Variants in CES1 observed in about 807,000 individuals in gnomAD.
CES1 encodes the protein carboxylesterase 1, also known as liver carboxylesterase 1.
CES1 carries 50 observed loss-of-function variants against 53.0 expected under a neutral mutation model. That is an observed-to-expected ratio of 0.94 (90% CI 0.75 to 1.19). The LOEUF is 1.19. Ranked by LOEUF, CES1 falls within the 50% of genes most tolerant of loss-of-function variation. The probability of loss-of-function intolerance (pLI) is 0.00; values close to 1 mark genes in which losing one functional copy is unlikely to be tolerated. For missense variants in CES1, 534 were observed against 538.0 expected, an observed-to-expected ratio of 0.99 and a Z score of 0.07; for synonymous variants, 202 against 210.1, an observed-to-expected ratio of 0.96 and a Z score of 0.33.
At chr16:55,813,229 G>A (rs2142319463) in intron 8 of CES1, among the ~76,000 whole-genome samples, 186 bp from the exon 9 acceptor site, 1 of 152,316 alleles carries the variant, frequency 6.6e-6, no homozygotes, top group Non-Finnish European at 1.5e-5. Flanking sequence ...TTCAGGCAGA[G>A]GCTGACACTG....
At chr16:55,814,658 G>C (rs1304039300) in intron 8 of CES1, among the ~76,000 whole-genome samples, 5 of 152,318 alleles carry the variant, frequency 3.3e-5, no homozygotes, top group Non-Finnish European at 5.9e-5. Context: ...GTCCTCTGTG[G>C]AATCTTCCCA....
chr16:55,811,007 A>G lies in CES1; in HGVS notation c.1090T>C (p.Leu364=). 1.3e-6 allele frequency: 2 copies of G among 1,535,020 alleles called. No individual in the cohort carries two copies. Among genetic ancestry groups the G allele is most frequent in the African/African-American group, 1.9e-5 (1 of 53,900 alleles). ...QEFGWLIPMQ[L]MSYPLSEGQL... ...CCTTCGGAGAGTGGATAGCTCATCA[A>G]CTGCTAAAAAAAAAAAAAAGTTCAG... is the stretch of plus-strand genomic sequence containing the variant. Residue 364 remains leucine, a synonymous_variant, in exon 10 of 14, where the codon TTG becomes CTG. Coordinates refer to ENST00000360526, the MANE Select transcript of CES1 (RefSeq NM_001025195.2).
At chr16:55,819,423 C>A in intron 7 of CES1, 112 bp downstream of exon 7, 1 of 816,790 alleles carries the variant, frequency 1.2e-6, no homozygotes, top group South Asian at 1.3e-5. Flanking sequence ...CATTCAGATA[C>A]TGAGAGTTGA....
chr16:55,819,412 C>G, intron 7 of CES1, 123 bp downstream of exon 7: 2 of 777,368 alleles, frequency 2.6e-6, no homozygotes, highest in Non-Finnish European at 4.6e-6. Context: ...ATCAGATTCC[C>G]CATTCAGATA....
intron 10 of CES1, 93 bp from the exon 11 acceptor site, chr16:55,810,757 A>G: frequency 1.3e-6 from 2 of 1,524,348 alleles, no homozygotes; most frequent in South Asian, 1.1e-5. Context: ...TGAACCCCAT[A>G]AGCCCTGTGC....
At chr16:55,832,693 G>C (rs1348285821) in intron 1 of CES1, among the ~76,000 whole-genome samples, 2 of 152,256 alleles carry the variant, frequency 1.3e-5, no homozygotes, top group African/African-American at 4.8e-5. Flanking sequence ...CCAGCCGTAA[G>C]GGGACTAATT....
chr16:55,810,929 CAA>C lies in CES1; in HGVS notation c.1166_1167del (p.Leu389ArgfsTer5). ...AMSLLWKSYP[L>X]VCIAKELIPE... ...TCCCATGATTCCTAGACTCTTACAA[CAA>C]GGGGATAGGACTTCCACAGGAGTGA... On this transcript the variant is annotated frameshift_variant, in exon 10 of 14. Coordinates refer to ENST00000360526, the MANE Select transcript of CES1 (RefSeq NM_001025195.2). LOFTEE classifies it high-confidence loss of function. The C allele has an allele frequency of 5.0e-6, 8 of 1,612,812 alleles. No individual in the cohort carries two copies. Among genetic ancestry groups the C allele is most frequent in the Non-Finnish European group, 6.8e-6 (8 of 1,179,210 alleles).
chr16:55,830,441 A>C (rs766617194), intron 1 of CES1, among the ~76,000 whole-genome samples: 1 of 152,160 alleles, frequency 6.6e-6, no homozygotes, highest in Non-Finnish European at 1.5e-5. Context: ...CCCCCATCTT[A>C]ATTATTTTAA....
intron 2 of CES1, among the ~76,000 whole-genome samples, chr16:55,826,775 C>G (rs145129194): frequency 5.8e-4 from 88 of 152,294 alleles, no homozygotes; most frequent in African/African-American, 1.9e-3. Flanking sequence ...TCTTGCAGCC[C>G]TGACATGCCA....
chr16:55,830,410 G>A (rs1468001865), intron 1 of CES1, among the ~76,000 whole-genome samples: 2 of 151,804 alleles, frequency 1.3e-5, no homozygotes, highest in Non-Finnish European at 2.9e-5. Context: ...TGGGATTTCC[G>A]GTCTTCACCT....
chr16:55,809,138 C>A (rs1433979796), intron 11 of CES1, among the ~76,000 whole-genome samples: 1 of 125,992 alleles, frequency 7.9e-6, no homozygotes, highest in African/African-American at 3.1e-5. Flanking sequence ...CATGGGAAAC[C>A]AGATGAAAAA....
intron 2 of CES1, among the ~76,000 whole-genome samples, chr16:55,826,985 T>G (rs28653601): frequency 1.3e-5 from 2 of 152,176 alleles, no homozygotes; most frequent in Non-Finnish European, 2.9e-5. Flanking sequence ...ATCTCCATTT[T>G]ACAGATGAGA....
intron 9 of CES1, chr16:55,812,499 A>G (rs1459050604): frequency 3.2e-6 from 1 of 309,410 alleles, no homozygotes; most frequent in Admixed American, 4.3e-5. Flanking sequence ...GATGAAGAGC[A>G]TGAGTGATTT....
intron 1 of CES1, among the ~76,000 whole-genome samples, chr16:55,830,351 A>G (rs1364272587): frequency 6.6e-6 from 1 of 152,166 alleles, no homozygotes; most frequent in Non-Finnish European, 1.5e-5. Flanking sequence ...GGGTGGTGGC[A>G]TTACATGTGG....
intron 6 of CES1, 139 bp from the exon 7 acceptor site, chr16:55,819,778 G>A: frequency 2.6e-6 from 2 of 779,774 alleles, no homozygotes; most frequent in South Asian, 2.8e-5. Flanking sequence ...CCGTGGGTGT[G>A]GGTTCCAGGT....
intron 3 of CES1, among the ~76,000 whole-genome samples, chr16:55,824,593 G>A (rs1270829526): frequency 3.9e-5 from 6 of 152,226 alleles, no homozygotes; most frequent in Non-Finnish European, 4.4e-5. Flanking sequence ...AGTGGTAGCA[G>A]CAGGACTTTA....
At chr16:55,809,006 A>G (rs1188742409) in intron 11 of CES1, among the ~76,000 whole-genome samples, 3 of 147,228 alleles carry the variant, frequency 2.0e-5, no homozygotes, top group African/African-American at 7.5e-5. Context: ...ATAATTTAAC[A>G]TATTAATTTT....
At chr16:55,832,016 C>CA (rs200479819) in intron 1 of CES1, among the ~76,000 whole-genome samples, 19,224 of 150,916 alleles carry the variant, frequency 0.13, 979 homozygotes, top group African/African-American at 0.27. Flanking sequence ...AGGGTCCAGC[C>CA]ACCCCAGAGC....
chr16:55,812,356 C>G (rs1479044922), intron 9 of CES1: 1 of 185,250 alleles, frequency 5.4e-6, no homozygotes, highest in Non-Finnish European at 1.2e-5. Context: ...GCATAGCACC[C>G]GATTAGGTAG....
Sources: allele counts gnomAD v4.1 joint callset (sites outside exome capture counted in the v4.1 genomes callset), GRCh38; gene constraint gnomAD v4.1.1; transcripts MANE v1.5; gene names NCBI Gene and HGNC (gene_info 2026-07-23, HGNC 2026-07-21).